Variants in MET observed in about 807,000 individuals in gnomAD.
MET encodes the protein hepatocyte growth factor receptor.
Under a neutral mutation model 133.1 loss-of-function variants are expected in MET, and 48 were observed. The ratio of observed to expected loss-of-function variants is 0.36; its 90% confidence interval spans 0.29 to 0.46. MET has a LOEUF of 0.46. Among genes scored for constraint, MET ranks in the 20% least tolerant of loss-of-function variants. The pLI is 1.00. For synonymous variants in MET, 628 were observed against 616.5 expected (o/e 1.02, Z -0.28); for missense variants, 1,442 against 1,695.9 (o/e 0.85, Z 2.63).
intron 19 of MET, among the ~76,000 whole-genome samples, chr7:116,790,303 T>G (rs1369974663): frequency 6.6e-6 from 1 of 152,192 alleles, no homozygotes; most frequent in African/African-American, 2.4e-5. Context: ...CAACCACAAT[T>G]CTACTTTGTC....
intron 17 of MET, 133 bp downstream of exon 17, chr7:116,779,090 T>G: frequency 4.4e-6 from 4 of 912,238 alleles, no homozygotes; most frequent in Non-Finnish European, 6.7e-6. Flanking sequence ...ATCATTCAAA[T>G]GCACCTCAAA....
intron 2 of MET, among the ~76,000 whole-genome samples, chr7:116,709,451 G>A (rs1791915792): frequency 1.3e-5 from 2 of 152,168 alleles, no homozygotes. Flanking sequence ...ATCATAAGCA[G>A]TATTGTTTTA....
In MET at chr7:116,780,127, A is replaced by G. The variant is rs1584962481; in HGVS notation, c.3522+1170A>G. 2.0e-5 allele frequency among the ~76,000 whole-genome samples: 3 copies of G among 152,194 alleles called. No individual in the cohort carries two copies. In the East Asian group the frequency reaches 5.8e-4, roughly 29 times the overall value. ...TGAATGAATCAGCTAAGGGTTACAA[A>G]AAAAGGTTCTTAGCCTCTTGCAAGT... On this transcript the variant is annotated intron_variant, in intron 17 of 20. Coordinates refer to ENST00000397752, the MANE Select transcript of MET (RefSeq NM_000245.4).
chr7:116,725,649 C>G lies in MET; in HGVS notation c.1201-6019C>G, dbSNP rs536222726. Among the ~76,000 whole-genome samples, 3 of 151,498 alleles carry G rather than the reference C, an allele frequency of 2.0e-5. No homozygotes were observed. In the East Asian group the frequency reaches 5.8e-4, roughly 29 times the overall value. ...GGCTGTATGGTATGACCTTTTGCTC[C>G]TAGGCAACAAACCTGTACAGCATGT... On this transcript the variant is annotated intron_variant, in intron 2 of 20. Coordinates refer to ENST00000397752, the MANE Select transcript of MET (RefSeq NM_000245.4).
At chr7:116,767,742 G>A (rs143820071) in intron 11 of MET, among the ~76,000 whole-genome samples, 1 of 151,070 alleles carries the variant, frequency 6.6e-6, no homozygotes, top group African/African-American at 2.4e-5. Flanking sequence ...TTTAATAATA[G>A]TTAATATTCA....
At chr7:116,779,697 A>G (rs1488102819) in intron 17 of MET, among the ~76,000 whole-genome samples, 1 of 152,132 alleles carries the variant, frequency 6.6e-6, no homozygotes, top group African/African-American at 2.4e-5. Flanking sequence ...TGTAGAATAC[A>G]TCCCAGATTC....
intron 2 of MET, among the ~76,000 whole-genome samples, chr7:116,717,079 C>T (rs1484384402): frequency 6.6e-6 from 1 of 152,210 alleles, no homozygotes; most frequent in African/African-American, 2.4e-5. Flanking sequence ...TCTTTCTTTT[C>T]AACTGTGCCC....
chr7:116,746,827 T>A (rs1793708885), intron 5 of MET, among the ~76,000 whole-genome samples: 1 of 151,836 alleles, frequency 6.6e-6, no homozygotes, highest in Admixed American at 6.6e-5. Flanking sequence ...TATACCTAAG[T>A]AAATGACAAG....
Position 116,740,053 on chromosome 7 carries a change from A to C in MET, c.1496A>C (p.Asn499Thr), listed in dbSNP as rs1253878709. ...EVIVEHTLNQ[N>T]GYTLVITGKK... ...ATTGTGGAGCATACATTAAACCAAA[A>C]TGGCTACACACTGGTTATCACTGGG... The change falls in exon 4 of 21, where the codon AAT becomes ACT. Residue 499 changes from asparagine to threonine, a missense_variant. Around this residue, in one of 6 missense-constraint regions of MET, gnomAD observed 762 missense variants for 792.4 expected, o/e 0.96. Coordinates refer to ENST00000397752, the MANE Select transcript of MET (RefSeq NM_000245.4). 2 of 1,614,160 alleles carry C rather than the reference A, an allele frequency of 1.2e-6. No homozygotes were observed. Among genetic ancestry groups the C allele is most frequent in the Admixed American group, 3.3e-5 (2 of 60,028 alleles).
At chr7:116,686,433 G>A (rs1796560028) in intron 1 of MET, among the ~76,000 whole-genome samples, 1 of 152,122 alleles carries the variant, frequency 6.6e-6, no homozygotes, top group South Asian at 2.1e-4. Flanking sequence ...CAGTTCTGAT[G>A]CCCCAGCCCT....
chr7:116,752,213 C>G (rs894285626), intron 5 of MET, among the ~76,000 whole-genome samples: 2 of 152,170 alleles, frequency 1.3e-5, no homozygotes, highest in African/African-American at 4.8e-5. Context: ...GTGAGTTCTA[C>G]TAAAGAGGAA....
At chr7:116,727,347 C>T (rs1170096703) in intron 2 of MET, among the ~76,000 whole-genome samples, 3 of 152,182 alleles carry the variant, frequency 2.0e-5, no homozygotes, top group South Asian at 2.1e-4. Context: ...ACTGAGCCCT[C>T]GGCTCACTGA....
chr7:116,753,949 A>G (rs1794025854), intron 5 of MET, among the ~76,000 whole-genome samples: 1 of 152,192 alleles, frequency 6.6e-6, no homozygotes, highest in Non-Finnish European at 1.5e-5. Flanking sequence ...AAACCTGGGC[A>G]GCATAACAAG....
rs1292389793 is a variant in MET at position 116,796,092 on chromosome 7, A to G, written c.4141A>G (p.Thr1381Ala). The change falls in exon 21 of 21, where the codon ACA becomes GCA. Residue 1381 changes from threonine (T) to alanine (A), a missense_variant. This residue lies in a region of MET where 94 missense variants were observed against 109.5 expected (regional missense o/e 0.86). Coordinates refer to ENST00000397752, the MANE Select transcript of MET (RefSeq NM_000245.4). ...AGATAACGCTGATGATGAGGTGGAC[A>G]CACGACCAGCCTCCTTCTGGGAGAC... Reference protein sequence around the residue: ...SEDNADDEVDTRPASFWETS With the variant: ...SEDNADDEVDARPASFWETS 3.1e-6 allele frequency: 5 copies of G among 1,614,166 alleles called. No individual in the cohort carries two copies. The highest frequency in any genetic ancestry group is 4.5e-5 in the East Asian group (2 of 44,886).
intron 2 of MET, among the ~76,000 whole-genome samples, chr7:116,716,467 GAGAAAGAAAGAA>G (rs531059164): frequency 0.092 from 9,999 of 108,156 alleles, 464 homozygotes; most frequent in Middle Eastern, 0.12. Context: ...AAGAAAGAAA[GAGAAAGAAAGAA>G]AGAAAGAAAG....
At chr7:116,725,940 G>A (rs1458620350) in intron 2 of MET, among the ~76,000 whole-genome samples, 1 of 149,440 alleles carries the variant, frequency 6.7e-6, no homozygotes, top group Non-Finnish European at 1.5e-5. Flanking sequence ...GGGAGGCTAA[G>A]GTGGGAGAAT....
intron 2 of MET, among the ~76,000 whole-genome samples, chr7:116,715,450 C>T (rs1216230885): frequency 6.6e-6 from 1 of 152,198 alleles, no homozygotes; most frequent in Non-Finnish European, 1.5e-5. Context: ...CTTATAAGGA[C>T]AACAGTCATT....
chr7:116,742,821 G>A (rs527792763), intron 5 of MET, among the ~76,000 whole-genome samples: 1 of 152,288 alleles, frequency 6.6e-6, no homozygotes, highest in African/African-American at 2.4e-5. Context: ...AGTTAGGAAG[G>A]CAGGGCAGCT....
At chr7:116,749,053 T>A (rs2116877235) in intron 5 of MET, among the ~76,000 whole-genome samples, 1 of 152,320 alleles carries the variant, frequency 6.6e-6, no homozygotes, top group Non-Finnish European at 1.5e-5. Flanking sequence ...CCATTCCTTC[T>A]GAAACTATTC....
Sources: allele counts gnomAD v4.1 joint callset (sites outside exome capture counted in the v4.1 genomes callset), GRCh38; gene constraint gnomAD v4.1.1; regional missense constraint gnomAD v4.1.1; transcripts MANE v1.5; gene names NCBI Gene and HGNC (gene_info 2026-07-23, HGNC 2026-07-21).